DOCK4: variants seen among roughly 807,000 people sequenced by gnomAD.
DOCK4 encodes the protein dedicator of cytokinesis 4.
A neutral mutation model predicts 268.1 loss-of-function variants in DOCK4; 97 were observed. That is an observed-to-expected ratio of 0.36 (90% confidence interval 0.31 to 0.43). The LOEUF (loss-of-function observed/expected upper bound fraction) is 0.43, where lower values mean the gene tolerates loss of function less well. Ranked by LOEUF, DOCK4 falls within the 20% of genes least tolerant of loss-of-function variation. The pLI is 1.00. For synonymous variants in DOCK4, 954 were observed against 887.2 expected (o/e 1.08, Z -1.34); for missense variants, 2,145 against 2,455.7 (o/e 0.87, Z 2.67).
intron 41 of DOCK4, among the ~76,000 whole-genome samples, chr7:111,757,778 A>G (rs1797130072): frequency 6.6e-6 from 1 of 152,214 alleles, no homozygotes; most frequent in Admixed American, 6.5e-5. Context: ...TCGTGTTAGG[A>G]GCACATTTCC....
At chr7:111,754,998 A>C (rs1796924415) in intron 42 of DOCK4, among the ~76,000 whole-genome samples, 1 of 152,232 alleles carries the variant, frequency 6.6e-6, no homozygotes, top group Admixed American at 6.5e-5. Flanking sequence ...TACTGCTAGA[A>C]GAGAGTAATA....
intron 35 of DOCK4, among the ~76,000 whole-genome samples, chr7:111,779,083 A>C (rs796094023): frequency 5.9e-5 from 9 of 151,690 alleles, no homozygotes; most frequent in African/African-American, 2.2e-4. Context: ...CTCTAAAAAA[A>C]AAAAATAAAA....
intron 12 of DOCK4, among the ~76,000 whole-genome samples, chr7:111,920,336 CT>C (rs1793001279): frequency 6.6e-6 from 1 of 152,106 alleles, no homozygotes; most frequent in Non-Finnish European, 1.5e-5. Flanking sequence ...TGCTAATTAG[CT>C]TGATTTAATC....
intron 49 of DOCK4, among the ~76,000 whole-genome samples, chr7:111,737,340 G>A (rs1789225511): frequency 1.3e-5 from 2 of 151,744 alleles, no homozygotes; most frequent in Admixed American, 1.3e-4. Flanking sequence ...TGCCCAGGCT[G>A]GTCTTGAATG....
intron 5 of DOCK4, among the ~76,000 whole-genome samples, chr7:111,991,854 G>A (rs1799558702): frequency 2.6e-5 from 4 of 151,102 alleles, no homozygotes; most frequent in South Asian, 4.2e-4. Flanking sequence ...CCAGCTACTC[G>A]GGAGGCTGAG....
intron 12 of DOCK4, among the ~76,000 whole-genome samples, chr7:111,921,074 T>G (rs1793097147): frequency 6.6e-6 from 1 of 152,220 alleles, no homozygotes; most frequent in African/African-American, 2.4e-5. Context: ...TCACTTTTCT[T>G]AGACCTTAAT....
chr7:112,104,766 G>A (rs1415284364), intron 1 of DOCK4, among the ~76,000 whole-genome samples: 1 of 152,154 alleles, frequency 6.6e-6, no homozygotes, highest in Middle Eastern at 3.2e-3. Flanking sequence ...TCTGGGTGGG[G>A]AGAATGCTAT....
At position 111,869,370 on chromosome 7, in the gene DOCK4, AAC is replaced by A. The variant is rs1396494925; in HGVS notation, c.2109+202_2109+203del. ...CCAGAGGAACAAGGATTCAATCCTG[AAC>A]AGTTTCCAGTAGACTACCCTGGCAA... On this transcript the variant is annotated intron_variant, in intron 21 of 52. Transcript: ENST00000428084. 5.7e-6 allele frequency: 3 copies of A among 523,928 alleles called. No homozygotes were observed. In the African/African-American group the frequency reaches 5.8e-5, roughly 10 times the overall value. The allele number at this position is 523,928 out of a possible 1,614,324, so 32.5% of individuals were successfully genotyped here.
At chr7:111,994,263 T>A in intron 4 of DOCK4, 32 bp from the exon 5 acceptor site, 2 of 1,382,906 alleles carry the variant, frequency 1.4e-6, no homozygotes, top group Non-Finnish European at 2.0e-6. Flanking sequence ...AGTATATATG[T>A]AAATACCATA....
chr7:111,878,964 C>T (rs1489629430), intron 16 of DOCK4, among the ~76,000 whole-genome samples: 1 of 152,008 alleles, frequency 6.6e-6, no homozygotes, highest in Admixed American at 6.5e-5. Context: ...ACAAGGGTAG[C>T]ATGTGACCTA....
At position 112,090,818 on chromosome 7, in the gene DOCK4, T is replaced by C. The variant is rs920986056; in HGVS notation, c.38-86687A>G. Among the ~76,000 whole-genome samples the C allele has an allele frequency of 2.0e-5, 3 of 152,282 alleles. No individual in the cohort carries two copies. The South Asian group carries it at 6.2e-4, about 32-fold the overall frequency. ...ACAGAATTTCAGAACTGGAGATCTT[T>C]TAATTTAACTCTTCATTTTATGGGT... is the stretch of plus-strand genomic sequence containing the variant. On this transcript the variant is annotated intron_variant, in intron 1 of 52. Coordinates refer to ENST00000428084, the MANE Select transcript of DOCK4 (RefSeq NM_001363540.2).
At chr7:111,905,962 A>G (rs995340998) in intron 13 of DOCK4, among the ~76,000 whole-genome samples, 9 of 152,174 alleles carry the variant, frequency 5.9e-5, no homozygotes, top group Non-Finnish European at 4.4e-5. Flanking sequence ...CTAGAAGTAG[A>G]ACATCTCATT....
intron 36 of DOCK4, among the ~76,000 whole-genome samples, chr7:111,771,847 T>C (rs1798144982): frequency 6.6e-6 from 1 of 152,176 alleles, no homozygotes; most frequent in Non-Finnish European, 1.5e-5. Context: ...TTTCCCCCTT[T>C]GCTGAAATAA....
In DOCK4 at chr7:111,863,399, C is replaced by T. The variant is rs755589514; in HGVS notation, c.2446G>A (p.Val816Met). The change falls in exon 23 of 53, where the codon GTG (valine) becomes ATG (methionine). Residue 816 changes from valine to methionine, a missense_variant. Around this residue, in one of 2 missense-constraint regions of DOCK4, gnomAD observed 1,598 missense variants for 1,986.7 expected, o/e 0.80. Transcript: ENST00000428084. ...AIKLQCIGKTVESQLYTNPDS... is the reference protein window; with the variant it reads ...AIKLQCIGKTMESQLYTNPDS... ...GGGTTGGTATAAAGCTGGCTTTCCACGGTTTTGCCAATGCACTGCAGTTTG... is the reference window on the plus strand; with the variant it reads ...GGGTTGGTATAAAGCTGGCTTTCCATGGTTTTGCCAATGCACTGCAGTTTG... 6 of 1,614,030 alleles carry T rather than the reference C, an allele frequency of 3.7e-6. No individual in the cohort carries two copies. The highest frequency in any genetic ancestry group is 4.2e-6 in the Non-Finnish European group (5 of 1,179,912).
At chr7:112,140,897 C>G (rs1190677529) in intron 1 of DOCK4, among the ~76,000 whole-genome samples, 3 of 152,126 alleles carry the variant, frequency 2.0e-5, no homozygotes, top group Admixed American at 6.6e-5. Context: ...CACCTGACCT[C>G]GAGCAGGCAG....
At chr7:112,134,455 C>G (rs1009531683) in intron 1 of DOCK4, among the ~76,000 whole-genome samples, 1 of 152,196 alleles carries the variant, frequency 6.6e-6, no homozygotes, top group Non-Finnish European at 1.5e-5. Context: ...CACGGTGGCT[C>G]ACGCCTGTAA....
intron 26 of DOCK4, 100 bp downstream of exon 26, chr7:111,834,488 C>T: frequency 1.1e-6 from 1 of 904,866 alleles, no homozygotes; most frequent in Non-Finnish European, 1.6e-6. Flanking sequence ...TTAATGGAAA[C>T]AGGTAAAGCA....
At chr7:111,847,236 T>A in intron 23 of DOCK4, 110 bp from the exon 24 acceptor site, 2 of 1,345,206 alleles carry the variant, frequency 1.5e-6, no homozygotes, top group East Asian at 4.8e-5. Context: ...TATTAACACA[T>A]GTAGTTACAA....
intron 1 of DOCK4, among the ~76,000 whole-genome samples, chr7:112,063,189 G>T (rs1166898603): frequency 1.3e-5 from 2 of 152,166 alleles, no homozygotes; most frequent in East Asian, 3.9e-4. Flanking sequence ...AACTGCAAAA[G>T]ACCATCCTGA....
Sources: gnomAD v4.1 joint callset for allele counts (sites outside exome capture counted in the v4.1 genomes callset) on GRCh38, gnomAD v4.1.1 for gene constraint, gnomAD v4.1.1 regional missense constraint, MANE v1.5 for transcripts, NCBI Gene and HGNC (gene_info 2026-07-23, HGNC 2026-07-21) for gene names.